COPS7A: variants seen among roughly 807,000 people sequenced by gnomAD.
The protein encoded by COPS7A is COP9 signalosome subunit 7A.
In COPS7A, 20 loss-of-function variants were observed where a neutral mutation model predicts 35.2. The ratio of observed to expected loss-of-function variants is 0.57; its 90% CI spans 0.40 to 0.83. COPS7A has a LOEUF of 0.83. Among genes scored for constraint, COPS7A ranks in the 40% least tolerant of loss-of-function variants. The pLI is 0.00. For synonymous variants in COPS7A, 139 were observed against 141.4 expected (o/e 0.98, Z 0.12); for missense variants, 247 against 347.5 (o/e 0.71, Z 2.30).
In COPS7A at chr12:6,729,387, C is replaced by T; in HGVS notation, c.468C>T (p.Tyr156=). Residue 156 remains tyrosine, a synonymous_variant, in exon 5 of 8, where the codon TAC becomes TAT. Coordinates refer to ENST00000543155, the MANE Select transcript of COPS7A (RefSeq NM_001164094.2). This position sits in a 1 kb window ranked among gnomAD's most constrained non-coding sequence, Gnocchi z 4.2. The part of the protein sequence containing the change: ...DQRNQRLEVD[Y]SIGRDIQRQD... ...GCAACCAGCGGCTCGAGGTTGACTACAGCATCGGGCGGGACATCCAGCGCC... is the reference window on the plus strand; with the variant it reads ...GCAACCAGCGGCTCGAGGTTGACTATAGCATCGGGCGGGACATCCAGCGCC... 6.2e-7 allele frequency: 1 copy of T among 1,614,148 alleles called. No homozygotes were observed. The highest frequency in any genetic ancestry group is 8.5e-7 in the Non-Finnish European group (1 of 1,180,028).
intron 7 of COPS7A, 22 bp from the exon 8 acceptor site, chr12:6,730,970 CTCTCTCTT>C (rs1021820849): frequency 1.9e-5 from 30 of 1,603,890 alleles, no homozygotes; most frequent in African/African-American, 2.7e-5. Flanking sequence ...TTCTCTCTCT[CTCTCTCTT>C]TCTCTCTCTT....
chr12:6,731,056 T>C lies in COPS7A; in HGVS notation c.*17T>C, dbSNP rs778179089. 3.7e-6 allele frequency: 6 copies of C among 1,614,060 alleles called. No individual in the cohort carries two copies. In the South Asian group the frequency reaches 6.6e-5, roughly 18 times the overall value. The stretch of plus-strand genomic sequence containing the variant: ...TCGAATTGAAAGGACTGTCGTTTCC[T>C]CCCTGGGGATGTGGGGTCCCAGCTG... On this transcript the variant is annotated 3_prime_UTR_variant, in exon 8 of 8. Transcript: ENST00000543155.
Position 6,731,444 on chromosome 12 carries a change from C to G in COPS7A, c.*405C>G. The G allele has an allele frequency of 1.6e-6, 1 of 641,076 alleles. No homozygotes were observed. The highest frequency in any genetic ancestry group is 2.2e-6 in the Non-Finnish European group (1 of 448,862). 39.7% of individuals were successfully genotyped at this position (641,076 alleles called of 1,614,324 possible). A position where few individuals can be genotyped will look rare whatever the true frequency, so the allele number is the denominator to read the frequency against. On this transcript the variant is annotated 3_prime_UTR_variant, in exon 8 of 8. Coordinates refer to ENST00000543155, the MANE Select transcript of COPS7A (RefSeq NM_001164094.2). ...ATGCCTGATCCCCAGTTCCTATACC[C>G]TACCCCTGACCTATTGAGCAGCCTC...
intron 4 of COPS7A, among the ~76,000 whole-genome samples, chr12:6,728,723 C>T (rs1431866495): frequency 2.0e-5 from 3 of 152,174 alleles, no homozygotes; most frequent in Non-Finnish European, 2.9e-5. Context: ...TCACCACCCA[C>T]CTCCCCAGCC....
At chr12:6,725,487 T>C (rs746611210) in intron 2 of COPS7A, among the ~76,000 whole-genome samples, 48 of 152,298 alleles carry the variant, frequency 3.2e-4, no homozygotes, top group African/African-American at 1.1e-3. Context: ...GAGACAATAC[T>C]GCCCCTCTCT....
At position 6,731,078 on chromosome 12, in the gene COPS7A, G is replaced by GCTGC. The variant is rs1213916654; in HGVS notation, c.*50_*53dup. ...TCCTCCCTGGGGATGTGGGGTCCCA[G>GCTGC]CTGCCTGCCTGCCTCTTAGGAGTCC... On this transcript the variant is annotated 3_prime_UTR_variant, in exon 8 of 8. Coordinates refer to ENST00000543155, the MANE Select transcript of COPS7A (RefSeq NM_001164094.2). 2.7e-5 allele frequency: 44 copies of GCTGC among 1,613,580 alleles called. No homozygotes were observed. In the Middle Eastern group the frequency reaches 4.9e-4, roughly 18 times the overall value.
At position 6,731,441 on chromosome 12, in the gene COPS7A, A is replaced by C. The variant is rs1592475044; in HGVS notation, c.*402A>C. 1 of 665,752 alleles carries C rather than the reference A, an allele frequency of 1.5e-6. No individual in the cohort carries two copies. Among genetic ancestry groups the C allele is most frequent in the Admixed American group, 4.1e-5 (1 of 24,684 alleles). 41.2% of individuals were successfully genotyped at this position (665,752 alleles called of 1,614,324 possible). ...TGCATGCCTGATCCCCAGTTCCTAT[A>C]CCCTACCCCTGACCTATTGAGCAGC... On this transcript the variant is annotated 3_prime_UTR_variant, in exon 8 of 8. Coordinates refer to ENST00000543155, the MANE Select transcript of COPS7A (RefSeq NM_001164094.2).
intron 2 of COPS7A, chr12:6,725,726 G>A (rs1231542960): frequency 2.2e-6 from 1 of 455,970 alleles, no homozygotes; most frequent in Non-Finnish European, 4.4e-6. Context: ...ACAATCAGAG[G>A]AGGCAGCCTG....
intron 2 of COPS7A, chr12:6,726,067 C>T (rs949768126): frequency 2.7e-6 from 1 of 370,926 alleles, no homozygotes; most frequent in African/African-American, 2.1e-5. Flanking sequence ...GTAATCCCAG[C>T]ACTTTGGGAG....
chr12:6,726,602 CAA>C (rs374195335), intron 2 of COPS7A, among the ~76,000 whole-genome samples: 2 of 137,784 alleles, frequency 1.5e-5, no homozygotes, highest in African/African-American at 5.4e-5. Flanking sequence ...GACTCTGTCT[CAA>C]AAAAAAAAAT....
At chr12:6,725,762 G>C (rs1941237611) in intron 2 of COPS7A, 1 of 455,980 alleles carries the variant, frequency 2.2e-6, no homozygotes, top group Non-Finnish European at 4.4e-6. Flanking sequence ...ACAGTGGTAT[G>C]TGGGTAAACT....
At position 6,731,122 on chromosome 12, in the gene COPS7A, CCCTGGCCAGCTGATAAT is replaced by C. The variant is rs1941385549; in HGVS notation, c.*87_*103del. ...GGAGTCCTCAGAGAGCCTTCTGTGC[CCCTGGCCAGCTGATAAT>C]CCTAGGTTCATGACCCTTCACCTCC... On this transcript the variant is annotated 3_prime_UTR_variant, in exon 8 of 8. Transcript: ENST00000543155. 2 of 1,612,684 alleles carry C rather than the reference CCCTGGCCAGCTGATAAT, an allele frequency of 1.2e-6. No individual in the cohort carries two copies. Among genetic ancestry groups the C allele is most frequent in the African/African-American group, 2.7e-5 (2 of 74,812 alleles).
intron 2 of COPS7A, among the ~76,000 whole-genome samples, chr12:6,727,337 A>C (rs1052412706): frequency 7.9e-5 from 1 of 12,598 alleles, no homozygotes; most frequent in Non-Finnish European, 1.6e-4. Flanking sequence ...ACTCTGTCTC[A>C]AAAAAAAAAA....
In COPS7A at chr12:6,729,639, T is replaced by C. The variant is rs1463689880; in HGVS notation, c.530+190T>C. Among the ~76,000 whole-genome samples, 1 of 152,060 alleles carries C rather than the reference T, an allele frequency of 6.6e-6. No homozygotes were observed. The highest frequency in any genetic ancestry group is 1.9e-4 in the East Asian group (1 of 5,194). ...GGGAGGCCCTGGGAGGCGGCAGAAG[T>C]CAGTGTCCTTGATATAGTAGTTGGG... is the stretch of plus-strand genomic sequence containing the variant. On this transcript the variant is annotated intron_variant, in intron 5 of 7. Transcript: ENST00000543155. This position sits in a 1 kb window ranked among gnomAD's most constrained non-coding sequence, Gnocchi z 4.2.
At position 6,731,177 on chromosome 12, in the gene COPS7A, C is replaced by T. The variant is rs779278807; in HGVS notation, c.*138C>T. 2.6e-6 allele frequency: 4 copies of T among 1,562,664 alleles called. No homozygotes were observed. Among genetic ancestry groups the T allele is most frequent in the African/African-American group, 1.4e-5 (1 of 73,606 alleles). On this transcript the variant is annotated 3_prime_UTR_variant, in exon 8 of 8. Coordinates refer to ENST00000543155, the MANE Select transcript of COPS7A (RefSeq NM_001164094.2). Reference sequence around the variant, plus strand: ...ACCCTTCACCTCCCCTAACCCCAAACATAGATCACACCTTCTCTAGGGAGG... The same window carrying T: ...ACCCTTCACCTCCCCTAACCCCAAATATAGATCACACCTTCTCTAGGGAGG...
chr12:6,725,797 G>A, intron 2 of COPS7A: 1 of 456,168 alleles, frequency 2.2e-6, no homozygotes, highest in Non-Finnish European at 4.4e-6. Context: ...GGGGCCTGTG[G>A]TTTAACCTTT....
In COPS7A at chr12:6,724,337, A is replaced by G. The variant is rs1231839754; in HGVS notation, c.-44+158A>G. 1.1e-5 allele frequency: 5 copies of G among 457,928 alleles called. No homozygotes were observed. The East Asian group carries it at 3.0e-4, about 28-fold the overall frequency. The allele number at this position is 457,928 out of a possible 1,614,324, so 28.4% of individuals were successfully genotyped here. ...CTGAGGGAGCGTCGTCAGGGTGGAC[A>G]CCATGCGACACCCATTTCTCCTTTG... On this transcript the variant is annotated intron_variant, in intron 1 of 7. Transcript: ENST00000543155.
Position 6,729,165 on chromosome 12 carries a change from G to A in COPS7A, c.328-82G>A, listed in dbSNP as rs1941329011. Reference sequence around the variant, plus strand: ...AGTGGAGGGCAGGTGGGCTAGGGCAGGGGGAAAAGGAGGGAAGATTTTTGG... The same window carrying A: ...AGTGGAGGGCAGGTGGGCTAGGGCAAGGGGAAAAGGAGGGAAGATTTTTGG... On this transcript the variant is annotated intron_variant, in intron 4 of 7. Transcript: ENST00000543155. This position sits in a 1 kb window ranked among gnomAD's most constrained non-coding sequence, Gnocchi z 4.2. 1.4e-6 allele frequency: 2 copies of A among 1,446,664 alleles called. No homozygotes were observed. Among genetic ancestry groups the A allele is most frequent in the Non-Finnish European group, 1.9e-6 (2 of 1,032,908 alleles). The allele number at this position is 1,446,664 out of a possible 1,614,324, so 89.6% of individuals were successfully genotyped here.
At position 6,727,779 on chromosome 12, in the gene COPS7A, G is replaced by A. The variant is rs1162310857; in HGVS notation, c.163-147G>A. 9 of 733,680 alleles carry A rather than the reference G, an allele frequency of 1.2e-5. No individual in the cohort carries two copies. The Admixed American group carries it at 1.8e-4, about 15-fold the overall frequency. The allele number at this position is 733,680 out of a possible 1,614,324, so 45.4% of individuals were successfully genotyped here. The stretch of plus-strand genomic sequence containing the variant: ...GCCCTTCCTATGTGAAGAGTGATCA[G>A]AGAGGCAGAGAACTCCTTTTGGTGA... On this transcript the variant is annotated intron_variant, in intron 2 of 7. Coordinates refer to ENST00000543155, the MANE Select transcript of COPS7A (RefSeq NM_001164094.2).
Sources: allele counts gnomAD v4.1 joint callset (sites outside exome capture counted in the v4.1 genomes callset), GRCh38; gene constraint gnomAD v4.1.1; non-coding constraint Gnocchi (gnomAD v3.1); transcripts MANE v1.5; gene names NCBI Gene and HGNC (gene_info 2026-07-23, HGNC 2026-07-21).